Variants in LUC7L3 observed in about 807,000 individuals in gnomAD.
The protein encoded by LUC7L3 is luc7-like protein 3.
Under a neutral mutation model 66.8 loss-of-function variants are expected in LUC7L3, and 6 were observed. That is an observed-to-expected ratio of 0.09 (90% CI 0.05 to 0.18). The LOEUF is 0.18. Ranked by LOEUF, LUC7L3 falls within the 10% of genes least tolerant of loss-of-function variation. LUC7L3 has a pLI of 1.00. For synonymous variants in LUC7L3, 160 were observed against 174.7 expected, an observed-to-expected ratio of 0.92 and a Z score of 0.66; for missense variants, 341 against 531.1, an observed-to-expected ratio of 0.64 and a Z score of 3.52.
intron 6 of LUC7L3, among the ~76,000 whole-genome samples, chr17:50,744,219 A>G (rs999754492): frequency 6.6e-6 from 1 of 152,258 alleles, no homozygotes; most frequent in African/African-American, 2.4e-5. Context: ...TGTTTCAGAT[A>G]CTATTGATTG....
At chr17:50,743,652 C>T in intron 5 of LUC7L3, 54 bp from the exon 6 acceptor site, 2 of 1,146,366 alleles carry the variant, frequency 1.7e-6, no homozygotes, top group African/African-American at 1.6e-5. Flanking sequence ...GGAAAAAAGA[C>T]AATAGTTGGG....
chr17:50,742,748 A>G (rs942773798), intron 5 of LUC7L3, among the ~76,000 whole-genome samples: 14 of 152,218 alleles, frequency 9.2e-5, no homozygotes, highest in African/African-American at 3.4e-4. Context: ...TGTCTACACA[A>G]AGATTTACAC....
At chr17:50,729,457 T>G (rs1280212505) in intron 1 of LUC7L3, among the ~76,000 whole-genome samples, 1 of 152,218 alleles carries the variant, frequency 6.6e-6, no homozygotes, top group Non-Finnish European at 1.5e-5. Context: ...ATTCATTCCT[T>G]TCCAGCCTCC....
At chr17:50,749,276 T>C in intron 9 of LUC7L3, 19 of 1,289,318 alleles carry the variant, frequency 1.5e-5, no homozygotes, top group Non-Finnish European at 1.8e-5. Flanking sequence ...ACAAGACGAC[T>C]CTTCCTCATT....
At chr17:50,732,578 T>A (rs1488363861) in intron 1 of LUC7L3, among the ~76,000 whole-genome samples, 8 of 141,844 alleles carry the variant, frequency 5.6e-5, no homozygotes, top group South Asian at 2.2e-4. Context: ...TTTTTTTTTT[T>A]AGAGACAAGG....
chr17:50,743,552 A>T lies in LUC7L3; in HGVS notation c.427-154A>T, dbSNP rs1051377368. On this transcript the variant is annotated intron_variant, in intron 5 of 9. Coordinates refer to ENST00000505658, the MANE Select transcript of LUC7L3 (RefSeq NM_016424.5). Reference sequence around the variant, plus strand: ...CATCAGTTATACTTTATTGAAGTATAAAAAAAATCCAGGATAAATTAAACC... The same window carrying T: ...CATCAGTTATACTTTATTGAAGTATTAAAAAAATCCAGGATAAATTAAACC... 19 of 564,974 alleles carry T rather than the reference A, an allele frequency of 3.4e-5. 1 individual carries two copies. The highest frequency in any genetic ancestry group is 6.5e-5 in the South Asian group (3 of 45,842). 35.0% of individuals were successfully genotyped at this position (564,974 alleles called of 1,614,324 possible).
At chr17:50,730,137 T>A (rs954121365) in intron 1 of LUC7L3, among the ~76,000 whole-genome samples, 1 of 151,346 alleles carries the variant, frequency 6.6e-6, no homozygotes. Flanking sequence ...CACCCCTGGC[T>A]AATTTTTTTG....
intron 1 of LUC7L3, among the ~76,000 whole-genome samples, chr17:50,724,387 G>A (rs988022087): frequency 2.0e-5 from 3 of 152,034 alleles, no homozygotes; most frequent in African/African-American, 4.8e-5. Context: ...TGGGCGTAGT[G>A]GTGCATTCCT....
At chr17:50,729,904 A>T (rs1470902025) in intron 1 of LUC7L3, among the ~76,000 whole-genome samples, 7 of 32,094 alleles carry the variant, frequency 2.2e-4, no homozygotes, top group African/African-American at 5.2e-4. Flanking sequence ...CATTATATAT[A>T]TATATATATA....
rs1196109360 is a variant in LUC7L3, at chr17:50,753,778, A to C, written c.*3117A>C. 1 of 152,164 alleles carries C rather than the reference A, an allele frequency of 6.6e-6. No homozygotes were observed. Among genetic ancestry groups the C allele is most frequent in the Non-Finnish European group, 1.5e-5 (1 of 68,030 alleles). The allele number at this position is 152,164 out of a possible 1,614,324, so 9.4% of individuals were successfully genotyped here. A position where few individuals can be genotyped will look rare whatever the true frequency, so the allele number is the denominator to read the frequency against. ...ATAAAAAATCTAGGAAGTTACTAAAATACCAGATTTGTTCTGCTCTGCCTC... is the reference window on the plus strand; with the variant it reads ...ATAAAAAATCTAGGAAGTTACTAAACTACCAGATTTGTTCTGCTCTGCCTC... On this transcript the variant is annotated 3_prime_UTR_variant, in exon 10 of 10. Coordinates refer to ENST00000505658, the MANE Select transcript of LUC7L3 (RefSeq NM_016424.5).
At chr17:50,727,661 C>A (rs574723413) in intron 1 of LUC7L3, among the ~76,000 whole-genome samples, 4 of 152,110 alleles carry the variant, frequency 2.6e-5, no homozygotes, top group African/African-American at 9.6e-5. Flanking sequence ...CAGGAATTAG[C>A]CTGAGGGAGA....
At chr17:50,720,636 CT>C (rs1476463541) in intron 1 of LUC7L3, among the ~76,000 whole-genome samples, 1 of 152,166 alleles carries the variant, frequency 6.6e-6, no homozygotes, top group Non-Finnish European at 1.5e-5. Context: ...GTAATGTTTA[CT>C]TTAGGTCTTA....
intron 4 of LUC7L3, 33 bp from the exon 5 acceptor site, chr17:50,741,624 C>T (rs1567872022): frequency 7.0e-7 from 1 of 1,430,446 alleles, no homozygotes; most frequent in East Asian, 2.3e-5. Context: ...TTGTTTTCAA[C>T]TTGTTGGTAA....
At chr17:50,737,369 G>T (rs1370197896) in intron 2 of LUC7L3, 2 of 469,430 alleles carry the variant, frequency 4.3e-6, no homozygotes, top group Non-Finnish European at 8.5e-6. Flanking sequence ...AGCAGCAAAC[G>T]CAACAGAGCA....
intron 1 of LUC7L3, among the ~76,000 whole-genome samples, chr17:50,730,203 C>T (rs914307140): frequency 3.3e-5 from 5 of 151,832 alleles, no homozygotes; most frequent in Non-Finnish European, 5.9e-5. Context: ...AACTCCTGAG[C>T]TTAAGCCATC....
At chr17:50,743,612 A>G in intron 5 of LUC7L3, 94 bp from the exon 6 acceptor site, 1 of 760,112 alleles carries the variant, frequency 1.3e-6, no homozygotes, top group Non-Finnish European at 2.2e-6. Flanking sequence ...CAAACAAAAA[A>G]GATGGAAAAC....
In LUC7L3 at chr17:50,741,749, T is replaced by C; in HGVS notation, c.426+18T>C. 1 of 1,589,866 alleles carries C rather than the reference T, an allele frequency of 6.3e-7. No individual in the cohort carries two copies. The highest frequency in any genetic ancestry group is 1.1e-5 in the South Asian group (1 of 90,298). ...TGCAACAGGTGAGAATTGTGTGCAT[T>C]AATGTCAGGAAGTAATGTGAAACAG... On this transcript the variant is annotated intron_variant, in intron 5 of 9. Coordinates refer to ENST00000505658, the MANE Select transcript of LUC7L3 (RefSeq NM_016424.5).
chr17:50,749,193 T>C, intron 9 of LUC7L3: 1 of 1,288,214 alleles, frequency 7.8e-7, no homozygotes, highest in South Asian at 1.2e-5. Context: ...TCCTTAGGAC[T>C]ATTAAGATCT....
chr17:50,721,093 C>G (rs981982671), intron 1 of LUC7L3, among the ~76,000 whole-genome samples: 1 of 146,088 alleles, frequency 6.8e-6, no homozygotes, highest in Non-Finnish European at 1.5e-5. Context: ...AGCGAAGTAA[C>G]TTTTTTTTTT....
Sources: allele counts gnomAD v4.1 joint callset (sites outside exome capture counted in the v4.1 genomes callset), GRCh38; gene constraint gnomAD v4.1.1; transcripts MANE v1.5; gene names NCBI Gene and HGNC (gene_info 2026-07-23, HGNC 2026-07-21).